The following METTL8 variants were observed in gnomAD, a reference collection of about 807,000 sequenced individuals.
The protein encoded by METTL8 is tRNA N(3)-cytidine methyltransferase METTL8, mitochondrial.
Under a neutral mutation model 48.7 loss-of-function variants are expected in METTL8, and 32 were observed. The ratio of observed to expected loss-of-function variants is 0.66; its 90% CI spans 0.50 to 0.88. The LOEUF (loss-of-function observed/expected upper bound fraction) is 0.88. METTL8 is among the 40% of genes least tolerant of loss of function. The pLI, the probability that METTL8 is intolerant of heterozygous loss-of-function variation, is 0.00. For synonymous variants in METTL8, 136 were observed against 157.1 expected, an observed-to-expected ratio of 0.87 and a Z score of 1.01; for missense variants, 464 against 474.4, an observed-to-expected ratio of 0.98 and a Z score of 0.20.
chr2:171,430,273 A>C (rs1333306139), intron 1 of METTL8, among the ~76,000 whole-genome samples: 1 of 151,568 alleles, frequency 6.6e-6, no homozygotes, highest in East Asian at 1.9e-4. Context: ...CAGGAGAATC[A>C]CTTGAACCTG....
chr2:171,330,438 T>C (rs1320210148), intron 7 of METTL8, 121 bp downstream of exon 7: 2 of 917,794 alleles, frequency 2.2e-6, no homozygotes, highest in African/African-American at 1.7e-5. Context: ...CTGTGTATTA[T>C]ACATAATGTT....
intron 3 of METTL8, among the ~76,000 whole-genome samples, chr2:171,356,560 T>C (rs1340369205): frequency 1.3e-5 from 2 of 152,080 alleles, no homozygotes; most frequent in African/African-American, 4.8e-5. Context: ...CAATCTCTCT[T>C]CACCCCCCAC....
Position 171,330,584 on chromosome 2 carries a change from C to T in METTL8, c.835G>A (p.Val279Met), listed in dbSNP as rs1382119565. 1 of 1,613,824 alleles carries T rather than the reference C, an allele frequency of 6.2e-7. No individual in the cohort carries two copies. Among genetic ancestry groups the T allele is most frequent in the East Asian group, 2.2e-5 (1 of 44,862 alleles). The change falls in exon 7 of 10, where the codon GTG becomes ATG. Residue 279 changes from valine (V) to methionine (M), a missense_variant. Transcript: ENST00000375258. ...GILDVILLVFVLSSIHPDRMQ... is the reference protein window; with the variant it reads ...GILDVILLVFMLSSIHPDRMQ... ...CTGTCAGGATGAATAGAAGAGAGCA[C>T]AAAGACAAGGAGAATGACATCCAGG... is the stretch of plus-strand genomic sequence containing the variant.
In METTL8 at chr2:171,324,135, C is replaced by T; in HGVS notation, c.*37G>A. 7.1e-7 allele frequency: 1 copy of T among 1,410,760 alleles called. No homozygotes were observed. The highest frequency in any genetic ancestry group is 1.3e-5 in the South Asian group (1 of 76,442). 87.4% of individuals were successfully genotyped at this position (1,410,760 alleles called of 1,614,324 possible). Reference sequence around the variant, plus strand: ...GACTTACAGTAGTCCTTGAATAGCACAGTCCTCTGGCTTTGTACCTTAACA... The same window carrying T: ...GACTTACAGTAGTCCTTGAATAGCATAGTCCTCTGGCTTTGTACCTTAACA... On this transcript the variant is annotated 3_prime_UTR_variant, in exon 10 of 10. Transcript: ENST00000375258.
chr2:171,326,037 A>G lies in METTL8; in HGVS notation c.967+5T>C. 1.4e-6 allele frequency: 2 copies of G among 1,467,080 alleles called. No individual in the cohort carries two copies. Among genetic ancestry groups the G allele is most frequent in the Non-Finnish European group, 1.9e-6 (2 of 1,072,756 alleles). 90.9% of individuals were successfully genotyped at this position (1,467,080 alleles called of 1,614,324 possible). On this transcript the variant is annotated splice_donor_5th_base_variant and intron_variant, in intron 8 of 9. Coordinates refer to ENST00000375258, the MANE Select transcript of METTL8 (RefSeq NM_001321154.2). ...AAAATAACCTCAAACTGAATATACT[A>G]TTACCCTTTTTAAAACGAAGCTGAG...
chr2:171,344,315 CA>C (rs1412993775), intron 3 of METTL8, among the ~76,000 whole-genome samples: 1 of 152,156 alleles, frequency 6.6e-6, no homozygotes, highest in Non-Finnish European at 1.5e-5. Flanking sequence ...CCAGAAAGAA[CA>C]GAGTCAAGAC....
Position 171,339,465 on chromosome 2 carries a change from T to TCAA in METTL8, c.322_324dup (p.Leu108dup). 1 of 1,613,726 alleles carries TCAA rather than the reference T, an allele frequency of 6.2e-7. No homozygotes were observed. The highest frequency in any genetic ancestry group is 8.5e-7 in the Non-Finnish European group (1 of 1,179,780). ...ACTGGAAGAATTTCAGGAAATTCCC[T>TCAA]CAACAGCCAATTACGATCCTTGAAA... On this transcript the variant is annotated inframe_insertion, in exon 4 of 10. Transcript: ENST00000375258.
chr2:171,378,470 A>G (rs1687191046), intron 2 of METTL8, among the ~76,000 whole-genome samples: 1 of 152,014 alleles, frequency 6.6e-6, no homozygotes, highest in Admixed American at 6.6e-5. Flanking sequence ...CATCTCTACT[A>G]AAAATACAAA....
chr2:171,326,617 C>T lies in METTL8; in HGVS notation c.861-469G>A, dbSNP rs189305206. Among the ~76,000 whole-genome samples the T allele has an allele frequency of 8.0e-4, 122 of 152,288 alleles. 4 individuals carry two copies. The highest frequency in any genetic ancestry group is 2.3e-3 in the East Asian group (12 of 5,184). On this transcript the variant is annotated intron_variant, in intron 7 of 9. Transcript: ENST00000375258. ...TCATTCTCCTTTTCTTTATTTAGTT[C>T]GGAGGTACCACCATTTACCTCATGA...
chr2:171,345,525 C>A (rs1687181120), intron 3 of METTL8, among the ~76,000 whole-genome samples: 1 of 152,140 alleles, frequency 6.6e-6, no homozygotes, highest in Non-Finnish European at 1.5e-5. Context: ...TCTAAGAGCA[C>A]TGCATAAAAT....
chr2:171,392,991 G>T (rs1405208079), intron 1 of METTL8, among the ~76,000 whole-genome samples: 1 of 151,570 alleles, frequency 6.6e-6, no homozygotes, highest in Non-Finnish European at 1.5e-5. Context: ...TGTAATCCCA[G>T]CTACTTGGAG....
chr2:171,396,990 C>CT (rs34793762), intron 1 of METTL8, among the ~76,000 whole-genome samples: 6,951 of 138,458 alleles, frequency 0.05, 529 homozygotes, highest in African/African-American at 0.16. Context: ...CACCTGGCTA[C>CT]TTTTTTTTTT....
chr2:171,423,769 A>G (rs1207576152), intron 1 of METTL8, among the ~76,000 whole-genome samples: 1 of 152,208 alleles, frequency 6.6e-6, no homozygotes, highest in Non-Finnish European at 1.5e-5. Flanking sequence ...GCAGCCTGAT[A>G]ATGCAGTAGA....
At chr2:171,428,333 T>C (rs1692625516) in intron 1 of METTL8, among the ~76,000 whole-genome samples, 1 of 152,180 alleles carries the variant, frequency 6.6e-6, no homozygotes, top group Non-Finnish European at 1.5e-5. Flanking sequence ...GGAGACTAAA[T>C]CTGCATCTAA....
intron 2 of METTL8, chr2:171,374,851 C>CT (rs905717502): frequency 0.045 from 22,130 of 487,818 alleles, 31 homozygotes; most frequent in Middle Eastern, 0.062. Flanking sequence ...GTATGTTTAA[C>CT]TTTTTTTTTT....
rs1462585444 is a variant in METTL8 at position 171,322,483 on chromosome 2, T to A, written c.*1689A>T. 6.7e-6 allele frequency: 1 copy of A among 149,598 alleles called. No individual in the cohort carries two copies. Among genetic ancestry groups the A allele is most frequent in the Non-Finnish European group, 1.5e-5 (1 of 67,568 alleles). The allele number at this position is 149,598 out of a possible 1,614,324, so 9.3% of individuals were successfully genotyped here. On this transcript the variant is annotated 3_prime_UTR_variant, in exon 10 of 10. Coordinates refer to ENST00000375258, the MANE Select transcript of METTL8 (RefSeq NM_001321154.2). ...TGGGCGCGGTGGCTCACACCTGTAATCCCAGCACTTTGGGAGGCCGAGGCG... is the reference window on the plus strand; with the variant it reads ...TGGGCGCGGTGGCTCACACCTGTAAACCCAGCACTTTGGGAGGCCGAGGCG...
intron 2 of METTL8, among the ~76,000 whole-genome samples, chr2:171,381,380 T>C (rs1287737410): frequency 6.6e-6 from 1 of 151,998 alleles, no homozygotes; most frequent in East Asian, 1.9e-4. Context: ...CAAAAGCAAC[T>C]GCAACAAAAG....
chr2:171,409,388 T>C (rs1690513647), intron 1 of METTL8, among the ~76,000 whole-genome samples: 1 of 151,014 alleles, frequency 6.6e-6, no homozygotes, highest in African/African-American at 2.4e-5. Flanking sequence ...GAAAAAAAAA[T>C]CCCACAAAAT....
chr2:171,401,045 T>C (rs1013315765), intron 1 of METTL8, among the ~76,000 whole-genome samples: 7 of 152,136 alleles, frequency 4.6e-5, no homozygotes, highest in African/African-American at 1.7e-4. Flanking sequence ...CTGAGTATCC[T>C]TTAAATAAGT....
Sources: allele counts gnomAD v4.1 joint callset (sites outside exome capture counted in the v4.1 genomes callset), GRCh38; gene constraint gnomAD v4.1.1; transcripts MANE v1.5; gene names NCBI Gene and HGNC (gene_info 2026-07-23, HGNC 2026-07-21).